Variants in PAQR5 observed in about 807,000 individuals in gnomAD.
The protein encoded by PAQR5 is progestin and adipoQ receptor family member 5, also known as membrane progestin receptor gamma.
Under a neutral mutation model 34.5 loss-of-function variants are expected in PAQR5, and 20 were observed. The observed-to-expected ratio is 0.58, with a 90% confidence interval of 0.41 to 0.84. The LOEUF (loss-of-function observed/expected upper bound fraction) is 0.84, where lower values mean the gene tolerates loss of function less well. Among genes scored for constraint, PAQR5 ranks in the 40% least tolerant of loss-of-function variants. PAQR5 has a pLI of 0.00. For synonymous variants in PAQR5, 131 were observed against 155.6 expected, an observed-to-expected ratio of 0.84 and a Z score of 1.18; for missense variants, 378 against 412.7, an observed-to-expected ratio of 0.92 and a Z score of 0.73.
chr15:69,363,514 T>G (rs2055296976), intron 3 of PAQR5, among the ~76,000 whole-genome samples: 1 of 149,086 alleles, frequency 6.7e-6, no homozygotes, highest in African/African-American at 2.5e-5. Context: ...AACAAGAACA[T>G]CGAGTGTCAA....
intron 4 of PAQR5, chr15:69,383,034 G>A (rs1486879109): frequency 6.6e-5 from 10 of 151,720 alleles, no homozygotes; most frequent in African/African-American, 1.9e-4. Flanking sequence ...CTAGGGGATT[G>A]GACTAGATAT....
chr15:69,341,063 G>C (rs565647833), intron 2 of PAQR5, among the ~76,000 whole-genome samples: 2 of 152,130 alleles, frequency 1.3e-5, no homozygotes, highest in South Asian at 4.2e-4. Context: ...GTAATTCGTT[G>C]GTATTGAGTA....
chr15:69,343,995 G>A (rs140150849), intron 2 of PAQR5, among the ~76,000 whole-genome samples: 56 of 152,242 alleles, frequency 3.7e-4, no homozygotes, highest in African/African-American at 1.3e-3. Flanking sequence ...CACCATGCCT[G>A]GCTTATTTTT....
chr15:69,331,209 C>T (rs544926499), intron 1 of PAQR5, among the ~76,000 whole-genome samples: 93 of 152,190 alleles, frequency 6.1e-4, no homozygotes, highest in African/African-American at 2.1e-3. Flanking sequence ...CCTTCCTTCT[C>T]GCCACTGGTT....
intron 2 of PAQR5, among the ~76,000 whole-genome samples, chr15:69,352,202 G>A (rs939483223): frequency 3.3e-4 from 50 of 152,170 alleles, no homozygotes; most frequent in African/African-American, 1.2e-3. Context: ...AGGCCTTGCC[G>A]TCATCCACAG....
chr15:69,299,538 C>G (rs2053477926), intron 1 of PAQR5, among the ~76,000 whole-genome samples: 1 of 152,224 alleles, frequency 6.6e-6, no homozygotes, highest in African/African-American at 2.4e-5. Context: ...GGGTGAGGGG[C>G]GGCCCACTGC....
intron 2 of PAQR5, among the ~76,000 whole-genome samples, chr15:69,353,267 T>G (rs571126870): frequency 6.6e-6 from 1 of 152,376 alleles, no homozygotes; most frequent in African/African-American, 2.4e-5. Context: ...CCTTCCATCA[T>G]GGAAGAGGCA....
chr15:69,345,627 T>C (rs185897347), intron 2 of PAQR5, among the ~76,000 whole-genome samples: 1 of 152,358 alleles, frequency 6.6e-6, no homozygotes, highest in Non-Finnish European at 1.5e-5. Context: ...TTTTTAAGGC[T>C]ATTTCAGGGG....
chr15:69,353,310 C>T (rs1160581995), intron 2 of PAQR5, among the ~76,000 whole-genome samples: 1 of 152,216 alleles, frequency 6.6e-6, no homozygotes, highest in Non-Finnish European at 1.5e-5. Context: ...CATATTTAAT[C>T]TGAATATGGA....
At chr15:69,316,193 G>A (rs1364738648) in intron 1 of PAQR5, among the ~76,000 whole-genome samples, 5 of 152,098 alleles carry the variant, frequency 3.3e-5, no homozygotes, top group African/African-American at 1.2e-4. Context: ...TGATTCTCAA[G>A]CCTCAGTCTC....
intron 1 of PAQR5, among the ~76,000 whole-genome samples, chr15:69,300,725 T>C (rs192655149): frequency 4.4e-5 from 2 of 45,426 alleles, no homozygotes; most frequent in Admixed American, 2.9e-4. Context: ...TCTTTCTTTC[T>C]TTCTTTCTTT....
rs1566985058 is a variant in PAQR5 at position 69,300,589 on chromosome 15, CCTTCT to C, written c.-277+1534_-277+1538del. Among the ~76,000 whole-genome samples, 55 of 63,876 alleles carry C rather than the reference CCTTCT, an allele frequency of 8.6e-4. 8 individuals are homozygous for C. Among genetic ancestry groups the C allele is most frequent in the Admixed American group, 5.8e-3 (29 of 5,030 alleles). The allele number at this position is 63,876 out of a possible 152,430, so 41.9% of individuals were successfully genotyped here. On this transcript the variant is annotated intron_variant, in intron 1 of 8. Transcript: ENST00000395407. ...TTTCTTTCTCTTTCTTTCTTTCTTT[CCTTCT>C]TTCTTTCTTTCTTTCTTTCTTTCTT...
intron 2 of PAQR5, among the ~76,000 whole-genome samples, chr15:69,345,254 A>T (rs181503523): frequency 6.6e-6 from 1 of 152,346 alleles, no homozygotes; most frequent in African/African-American, 2.4e-5. Context: ...TAACTACATT[A>T]GTGAATTAAT....
intron 2 of PAQR5, among the ~76,000 whole-genome samples, chr15:69,355,370 T>A (rs2055047812): frequency 5.0e-5 from 4 of 80,694 alleles, no homozygotes; most frequent in Admixed American, 2.7e-4. Flanking sequence ...CTTTCTTTCT[T>A]TCTTTCTTTC....
intron 5 of PAQR5, among the ~76,000 whole-genome samples, chr15:69,388,039 G>C (rs1490982413): frequency 6.6e-6 from 1 of 152,186 alleles, no homozygotes; most frequent in Non-Finnish European, 1.5e-5. Context: ...TGCTTGATGT[G>C]GGGAAGTGTT....
At position 69,385,707 on chromosome 15, in the gene PAQR5, G is replaced by A. The variant is rs540343561; in HGVS notation, c.385+825G>A. On this transcript the variant is annotated intron_variant, in intron 5 of 8. Coordinates refer to ENST00000395407, the MANE Select transcript of PAQR5 (RefSeq NM_017705.4). The surrounding 1 kb of genome is among the most constrained non-coding windows in gnomAD (Gnocchi z 4.7). ...TTGCCCAAGAGGTTGTCCATGAGGA[G>A]CCTACCTCCATCCTCTTTCTTCATA... Among the ~76,000 whole-genome samples the A allele has an allele frequency of 1.0e-3, 155 of 152,070 alleles. 1 individual carries two copies. The South Asian group carries it at 0.012, about 12-fold the overall frequency.
intron 1 of PAQR5, among the ~76,000 whole-genome samples, chr15:69,328,801 G>T (rs959062654): frequency 6.6e-6 from 1 of 152,248 alleles, no homozygotes; most frequent in Admixed American, 6.5e-5. Context: ...TCTGGTGTGG[G>T]CTGGTTGCCT....
intron 1 of PAQR5, among the ~76,000 whole-genome samples, chr15:69,307,158 G>A (rs991482868): frequency 2.0e-5 from 3 of 151,322 alleles, no homozygotes; most frequent in Non-Finnish European, 4.4e-5. Context: ...GCAGTGGCAC[G>A]ATCTCGGCTT....
intron 2 of PAQR5, among the ~76,000 whole-genome samples, chr15:69,356,102 T>C (rs181486099): frequency 6.6e-6 from 1 of 152,354 alleles, no homozygotes; most frequent in Non-Finnish European, 1.5e-5. Context: ...GAGTAGAGAC[T>C]GTGTCTTTCT....
Sources: allele counts gnomAD v4.1 joint callset (sites outside exome capture counted in the v4.1 genomes callset), GRCh38; gene constraint gnomAD v4.1.1; non-coding constraint Gnocchi (gnomAD v3.1); transcripts MANE v1.5; gene names NCBI Gene and HGNC (gene_info 2026-07-23, HGNC 2026-07-21).